The following PEX1 variants were observed in gnomAD, a reference collection of about 807,000 sequenced individuals.
The protein encoded by PEX1 is peroxisomal ATPase PEX1.
A neutral mutation model predicts 152.5 loss-of-function variants in PEX1; 97 were observed. That is an observed-to-expected ratio of 0.64 (90% CI 0.54 to 0.75). The LOEUF is 0.75. PEX1 is among the 30% of genes least tolerant of loss of function. PEX1 has a pLI of 0.00. For synonymous variants in PEX1, 485 were observed against 531.6 expected (o/e 0.91, Z 1.21); for missense variants, 1,357 against 1,516.3 (o/e 0.89, Z 1.74).
At chr7:92,511,276 CACT>C (rs967203119) in intron 7 of PEX1, among the ~76,000 whole-genome samples, 1 of 152,046 alleles carries the variant, frequency 6.6e-6, no homozygotes, top group Non-Finnish European at 1.5e-5. Context: ...AGGCATACAC[CACT>C]ATGTCAGGCT....
At chr7:92,509,205 C>A in intron 9 of PEX1, 124 bp downstream of exon 9, 3 of 673,876 alleles carry the variant, frequency 4.5e-6, no homozygotes, top group Non-Finnish European at 5.3e-6. Context: ...GAAAAAATAT[C>A]TACTGATGCA....
intron 1 of PEX1, among the ~76,000 whole-genome samples, chr7:92,526,812 G>C (rs1793287717): frequency 1.3e-5 from 2 of 152,126 alleles, no homozygotes; most frequent in Admixed American, 6.5e-5. Flanking sequence ...ATAAAGATTA[G>C]AAACAAAACT....
chr7:92,521,133 T>A (rs573038997), intron 2 of PEX1, among the ~76,000 whole-genome samples: 172 of 151,382 alleles, frequency 1.1e-3, no homozygotes, highest in Admixed American at 8.1e-3. Context: ...CTAATTTTTT[T>A]AATTTTTTTA....
chr7:92,511,482 ATTCACATACTG>A (rs1792464296), intron 7 of PEX1, 87 bp downstream of exon 7: 2 of 917,530 alleles, frequency 2.2e-6, no homozygotes, highest in Non-Finnish European at 3.4e-6. Flanking sequence ...ATATTTCACT[ATTCACATACTG>A]TTCACAGGTA....
Position 92,494,629 on chromosome 7 carries a change from T to C in PEX1, c.2784A>G (p.Arg928=). 6.2e-7 allele frequency: 1 copy of C among 1,613,846 alleles called. No homozygotes were observed. Among genetic ancestry groups the C allele is most frequent in the Non-Finnish European group, 8.5e-7 (1 of 1,179,816 alleles). The part of the protein sequence containing the change: ...SEQAVRDIFI[R]AQAAKPCILF... ...GAATGCAGGGCTTTGCAGCCTGTGC[T>C]CTGGGAAAAACAAACAACATTTCAT... Residue 928 remains arginine, a splice_region_variant and synonymous_variant, in exon 18 of 24, where the codon AGA becomes AGG. Coordinates refer to ENST00000248633, the MANE Select transcript of PEX1 (RefSeq NM_000466.3).
chr7:92,507,215 GTAGT>G (rs1478093921), intron 9 of PEX1, 89 bp from the exon 10 acceptor site: 7 of 1,052,314 alleles, frequency 6.7e-6, no homozygotes, highest in Admixed American at 2.3e-5. Flanking sequence ...CCTTCCCAGT[GTAGT>G]TAATTAATTT....
In PEX1 at chr7:92,492,960, C is replaced by T. The variant is rs1791426743; in HGVS notation, c.3200G>A (p.Gly1067Glu). The change falls in exon 20 of 24, where the codon GGA (glycine) becomes GAA (glutamate). Residue 1067 changes from glycine (G) to glutamate (E), a missense_variant. Transcript: ENST00000248633. The stretch of plus-strand genomic sequence containing the variant: ...CTTCCTCATATAACTTGCCTGGAGT[C>T]CACTCGAGAGCAGCATTCCATGTAA... ...EALHGMLLSS[G>E]LQDGSSSSDS... 2 of 1,612,692 alleles carry T rather than the reference C, an allele frequency of 1.2e-6. No individual in the cohort carries two copies. The highest frequency in any genetic ancestry group is 1.7e-6 in the Non-Finnish European group (2 of 1,178,952).
intron 11 of PEX1, 115 bp downstream of exon 11, chr7:92,506,133 C>T (rs1792175721): frequency 5.3e-6 from 2 of 380,886 alleles, no homozygotes; most frequent in East Asian, 4.8e-5. Context: ...AAATGATAAA[C>T]AGAAAAGTTA....
At chr7:92,498,973 A>G (rs905998416) in intron 16 of PEX1, among the ~76,000 whole-genome samples, 1 of 152,240 alleles carries the variant, frequency 6.6e-6, no homozygotes, top group African/African-American at 2.4e-5. Context: ...GCCCTACAAG[A>G]GAGAGGTGGC....
rs1414402204 is a variant in PEX1, at chr7:92,506,359, C to T, written c.1804-15G>A. 2.0e-6 allele frequency: 3 copies of T among 1,486,274 alleles called. No individual in the cohort carries two copies. Among genetic ancestry groups the T allele is most frequent in the South Asian group, 1.1e-5 (1 of 88,418 alleles). 92.1% of individuals were successfully genotyped at this position (1,486,274 alleles called of 1,614,324 possible). A position where few individuals can be genotyped will look rare whatever the true frequency, so the allele number is the denominator to read the frequency against. ...TTTCCACTTCCCTAGAAAATAATTG[C>T]TTTATAGGAATTCCCAATATATTCA... On this transcript the variant is annotated splice_polypyrimidine_tract_variant and intron_variant, in intron 10 of 23. Coordinates refer to ENST00000248633, the MANE Select transcript of PEX1 (RefSeq NM_000466.3).
chr7:92,511,400 C>A (rs1438587769), intron 7 of PEX1, among the ~76,000 whole-genome samples, 180 bp downstream of exon 7: 1 of 152,224 alleles, frequency 6.6e-6, no homozygotes, highest in East Asian at 1.9e-4. Context: ...GCTGGGATTA[C>A]AGGCATGAGC....
chr7:92,524,346 C>A (rs1168079373), intron 1 of PEX1, among the ~76,000 whole-genome samples: 1 of 151,798 alleles, frequency 6.6e-6, no homozygotes, highest in Admixed American at 6.6e-5. Flanking sequence ...CGGCTCACTG[C>A]AACCTCCACC....
chr7:92,497,627 T>C (rs1285714245), intron 16 of PEX1, among the ~76,000 whole-genome samples: 1 of 152,126 alleles, frequency 6.6e-6, no homozygotes, highest in Non-Finnish European at 1.5e-5. Flanking sequence ...AATCACTATC[T>C]CCAGAAGACC....
chr7:92,492,026 A>G (rs867479727), intron 20 of PEX1, among the ~76,000 whole-genome samples: 1 of 152,264 alleles, frequency 6.6e-6, no homozygotes, highest in Non-Finnish European at 1.5e-5. Context: ...CCTAGAAAAT[A>G]TATGGTAAAG....
chr7:92,526,852 G>A (rs536311918), intron 1 of PEX1, among the ~76,000 whole-genome samples: 2 of 152,220 alleles, frequency 1.3e-5, no homozygotes, highest in East Asian at 3.9e-4. Context: ...GTCAACATTA[G>A]TCACCTCTAA....
At chr7:92,501,846 A>T in intron 14 of PEX1, 44 bp downstream of exon 14, 3 of 1,529,558 alleles carry the variant, frequency 2.0e-6, no homozygotes, top group Non-Finnish European at 2.7e-6. Context: ...TTTCTCCACA[A>T]TAGAAAGAAG....
rs375758017 is a variant in PEX1 at position 92,487,508 on chromosome 7, T to C, written c.3801A>G (p.Lys1267=). The change falls in exon 24 of 24, where the codon AAA becomes AAG. Residue 1267 remains lysine, a synonymous_variant. Transcript: ENST00000248633. ...YESFQNPKRR[K]NQSGTMFRPG... ...GTCGAAACATTGTTCCACTTTGATT[T>C]TTTCTCCTCTTTGGATTTTGAAAGC... 2.6e-5 allele frequency: 41 copies of C among 1,592,620 alleles called. No homozygotes were observed. The highest frequency in any genetic ancestry group is 3.3e-5 in the Non-Finnish European group (38 of 1,162,788).
intron 9 of PEX1, among the ~76,000 whole-genome samples, 187 bp downstream of exon 9, chr7:92,509,142 A>G (rs1357628183): frequency 6.6e-6 from 1 of 152,098 alleles, no homozygotes; most frequent in African/African-American, 2.4e-5. Flanking sequence ...AGAGAAAAAA[A>G]AAAAGACGAC....
chr7:92,488,609 A>G (rs1791071386), intron 23 of PEX1, among the ~76,000 whole-genome samples: 1 of 152,238 alleles, frequency 6.6e-6, no homozygotes, highest in African/African-American at 2.4e-5. Context: ...AGGTCAATAA[A>G]ATATTAATAT....
Sources: allele counts gnomAD v4.1 joint callset (sites outside exome capture counted in the v4.1 genomes callset), GRCh38; gene constraint gnomAD v4.1.1; transcripts MANE v1.5; gene names NCBI Gene and HGNC (gene_info 2026-07-23, HGNC 2026-07-21).